KCNIP4: variants seen among roughly 807,000 people sequenced by gnomAD.
KCNIP4 encodes the protein potassium voltage-gated channel interacting protein 4.
In KCNIP4, 12 loss-of-function variants were observed where a neutral mutation model predicts 34.0. That is an observed-to-expected ratio of 0.35 (90% CI 0.23 to 0.57). KCNIP4 has a LOEUF of 0.57. Among genes scored for constraint, KCNIP4 ranks in the 20% least tolerant of loss-of-function variants. KCNIP4 has a pLI of 0.83. For synonymous variants in KCNIP4, 124 were observed against 102.2 expected (o/e 1.21, Z -1.29); for missense variants, 238 against 311.7 (o/e 0.76, Z 1.78).
In KCNIP4 at chr4:21,128,930, G is replaced by T. The variant is rs949886242; in HGVS notation, c.62-246221C>A. On this transcript the variant is annotated intron_variant, in intron 1 of 8. Transcript: ENST00000382152. ...TTTCTTTTCCTGATATTTAAAATGG[G>T]GCTATTAATGCTAATCACTTTATAG... is the stretch of plus-strand genomic sequence containing the variant. 1.1e-4 allele frequency among the ~76,000 whole-genome samples: 17 copies of T among 152,070 alleles called. 1 individual carries two copies. The highest frequency in any genetic ancestry group is 2.9e-5 in the Non-Finnish European group (2 of 68,006).
intron 1 of KCNIP4, among the ~76,000 whole-genome samples, chr4:21,236,629 C>T (rs980391461): frequency 1.4e-4 from 22 of 152,078 alleles, no homozygotes; most frequent in Non-Finnish European, 3.1e-4. Flanking sequence ...ATATCTGGTA[C>T]TAAAAATCAG....
chr4:20,962,928 A>G (rs1433554957), intron 1 of KCNIP4, among the ~76,000 whole-genome samples: 1 of 152,196 alleles, frequency 6.6e-6, no homozygotes, highest in African/African-American at 2.4e-5. Flanking sequence ...TGACAGAAGA[A>G]TATTGGTGAG....
chr4:21,585,456 T>A (rs762581024), intron 1 of KCNIP4, among the ~76,000 whole-genome samples: 3 of 152,094 alleles, frequency 2.0e-5, no homozygotes, highest in Non-Finnish European at 4.4e-5. Context: ...ATAAAATAAA[T>A]ACTACTTACA....
intron 1 of KCNIP4, among the ~76,000 whole-genome samples, chr4:21,155,716 A>T (rs1753095487): frequency 6.6e-6 from 1 of 152,136 alleles, no homozygotes; most frequent in Non-Finnish European, 1.5e-5. Context: ...TTGAAATGAC[A>T]ATAGAAAGAA....
intron 1 of KCNIP4, among the ~76,000 whole-genome samples, chr4:21,799,639 A>G (rs1839523): frequency 0.38 from 58,181 of 152,040 alleles, 12,665 homozygotes; most frequent in Non-Finnish European, 0.51. Flanking sequence ...CCAGGTGCAA[A>G]GGAGTTACAG....
chr4:20,799,931 G>T (rs1256852506), intron 3 of KCNIP4, among the ~76,000 whole-genome samples: 1 of 152,222 alleles, frequency 6.6e-6, no homozygotes, highest in East Asian at 1.9e-4. Context: ...TAAGCTGCTA[G>T]AGTTTGTCTC....
chr4:21,816,605 A>G (rs1170057657), intron 1 of KCNIP4, among the ~76,000 whole-genome samples: 1 of 152,070 alleles, frequency 6.6e-6, no homozygotes, highest in Non-Finnish European at 1.5e-5. Context: ...TTGTTCTCCC[A>G]TTAACCCTTA....
intron 1 of KCNIP4, among the ~76,000 whole-genome samples, chr4:21,820,582 C>G (rs1279657193): frequency 6.6e-6 from 1 of 151,858 alleles, no homozygotes; most frequent in East Asian, 1.9e-4. Flanking sequence ...ATTCTGCTAC[C>G]TTCCTCTGCC....
intron 1 of KCNIP4, among the ~76,000 whole-genome samples, chr4:21,275,990 A>C (rs1762413623): frequency 6.6e-6 from 1 of 152,238 alleles, no homozygotes; most frequent in South Asian, 2.1e-4. Context: ...ATGATGCTTT[A>C]ATAAAGTTTA....
chr4:20,901,562 G>A (rs535887796), intron 1 of KCNIP4, among the ~76,000 whole-genome samples: 3 of 152,182 alleles, frequency 2.0e-5, no homozygotes, highest in African/African-American at 7.2e-5. Flanking sequence ...ATAAGTAGAG[G>A]GCACTGTTAT....
chr4:21,515,421 G>A (rs1048768124), intron 1 of KCNIP4, among the ~76,000 whole-genome samples: 3 of 152,064 alleles, frequency 2.0e-5, no homozygotes, highest in Admixed American at 1.3e-4. Context: ...GGTGGATCAC[G>A]AGGTCAGGAA....
At chr4:21,400,277 C>T (rs1364909636) in intron 1 of KCNIP4, among the ~76,000 whole-genome samples, 1 of 151,890 alleles carries the variant, frequency 6.6e-6, no homozygotes, top group African/African-American at 2.4e-5. Context: ...TCCAGAGGAA[C>T]AAATATAGGC....
chr4:21,358,951 T>C (rs1718938847), intron 1 of KCNIP4, among the ~76,000 whole-genome samples: 3 of 152,120 alleles, frequency 2.0e-5, no homozygotes. Context: ...TGTTGATTAA[T>C]GTCTCATGTC....
In KCNIP4 at chr4:20,941,758, T is replaced by C. The variant is rs79825951; in HGVS notation, c.62-59049A>G. Among the ~76,000 whole-genome samples the C allele has an allele frequency of 6.4e-3, 981 of 152,344 alleles. 10 individuals carry two copies. Among genetic ancestry groups the C allele is most frequent in the African/African-American group, 0.022 (934 of 41,586 alleles). On this transcript the variant is annotated intron_variant, in intron 1 of 8. Transcript: ENST00000382152. ...CACTGACAAAACAGACATGAATATATCTTCCAGAGAGTGAGGAGGAAATAT... is the reference window on the plus strand; with the variant it reads ...CACTGACAAAACAGACATGAATATACCTTCCAGAGAGTGAGGAGGAAATAT...
chr4:20,816,973 T>G (rs1716471548), intron 3 of KCNIP4, among the ~76,000 whole-genome samples: 1 of 152,184 alleles, frequency 6.6e-6, no homozygotes. Context: ...CAGGTCAGTT[T>G]TACAGAGTTG....
intron 1 of KCNIP4, among the ~76,000 whole-genome samples, chr4:21,818,192 G>A (rs980497494): frequency 3.9e-5 from 6 of 152,144 alleles, no homozygotes; most frequent in South Asian, 2.1e-4. Context: ...TTTCTCAGCC[G>A]GCCGACACTT....
At chr4:21,814,523 C>T (rs1227584658) in intron 1 of KCNIP4, among the ~76,000 whole-genome samples, 1 of 152,136 alleles carries the variant, frequency 6.6e-6, no homozygotes, top group East Asian at 1.9e-4. Context: ...ATTGTGAGGC[C>T]TCCCCAGCCA....
chr4:21,565,989 A>G (rs765713157), intron 1 of KCNIP4, among the ~76,000 whole-genome samples: 25 of 152,140 alleles, frequency 1.6e-4, no homozygotes, highest in Non-Finnish European at 3.2e-4. Flanking sequence ...TAGAAACAAT[A>G]GTATCTGATA....
At chr4:21,021,848 A>AAGTAT (rs1209181829) in intron 1 of KCNIP4, among the ~76,000 whole-genome samples, 35 of 134,494 alleles carry the variant, frequency 2.6e-4, no homozygotes, top group African/African-American at 3.5e-4. Flanking sequence ...TAATAATGAA[A>AAGTAT]AGTATAGTAT....
Sources: gnomAD v4.1 joint callset for allele counts (sites outside exome capture counted in the v4.1 genomes callset) on GRCh38, gnomAD v4.1.1 for gene constraint, MANE v1.5 for transcripts, NCBI Gene and HGNC (gene_info 2026-07-23, HGNC 2026-07-21) for gene names.